The following GRID2 variants were observed in gnomAD, a reference collection of about 807,000 sequenced individuals.
GRID2 encodes the protein glutamate receptor ionotropic, delta-2.
A neutral mutation model predicts 114.8 loss-of-function variants in GRID2; 33 were observed. The observed-to-expected ratio is 0.29, with a 90% CI of 0.22 to 0.38. GRID2 has a LOEUF of 0.38. GRID2 is among the 10% of genes least tolerant of loss of function. The probability of loss-of-function intolerance (pLI) is 1.00; values close to 1 mark genes in which losing one functional copy is unlikely to be tolerated. For missense variants in GRID2, 1,184 were observed against 1,257.7 expected (o/e 0.94, Z 0.89); for synonymous variants, 505 against 449.9 (o/e 1.12, Z -1.55).
chr4:92,900,245 G>A (rs1196107116), intron 2 of GRID2, among the ~76,000 whole-genome samples: 2 of 152,146 alleles, frequency 1.3e-5, no homozygotes, highest in African/African-American at 4.8e-5. Flanking sequence ...TAGGGGCAGA[G>A]ACAATCATTT....
chr4:93,095,743 GTATT>G (rs1171534619), intron 3 of GRID2, among the ~76,000 whole-genome samples: 1 of 151,838 alleles, frequency 6.6e-6, no homozygotes, highest in Non-Finnish European at 1.5e-5. Flanking sequence ...TTGACCAAGA[GTATT>G]TAAAGAAGAA....
At position 92,633,309 on chromosome 4, in the gene GRID2, C is replaced by T. The variant is rs200481717; in HGVS notation, c.244+43023C>T. Among the ~76,000 whole-genome samples, 4 of 152,216 alleles carry T rather than the reference C, an allele frequency of 2.6e-5. No individual in the cohort carries two copies. The East Asian group carries it at 7.7e-4, about 29-fold the overall frequency. On this transcript the variant is annotated intron_variant, in intron 2 of 15. Transcript: ENST00000282020. ...AAAGGGAAAAAAAAACTTTGTTTCT[C>T]AGTAGCTTTATGAAAATACAACTTA...
At chr4:93,589,458 G>GA (rs1737927846) in intron 13 of GRID2, among the ~76,000 whole-genome samples, 1 of 151,894 alleles carries the variant, frequency 6.6e-6, no homozygotes, top group Non-Finnish European at 1.5e-5. Flanking sequence ...ATCATTGTTG[G>GA]ACATTTGGGT....
rs539560927 is a variant in GRID2, at chr4:93,258,358, G to A, written c.1245+19868G>A. Among the ~76,000 whole-genome samples the A allele has an allele frequency of 2.6e-5, 4 of 151,664 alleles. No homozygotes were observed. The South Asian group carries it at 6.2e-4, about 24-fold the overall frequency. On this transcript the variant is annotated intron_variant, in intron 8 of 15. Transcript: ENST00000282020. ...TGAAATAGAATAAAAAATTTTAGTG[G>A]ACCATAATGTCAGAGAAGTAGTGTT...
At chr4:93,785,832 G>T (rs1006132210) in intron 1 of GRID2, among the ~76,000 whole-genome samples, 2 of 152,268 alleles carry the variant, frequency 1.3e-5, no homozygotes, top group South Asian at 4.2e-4. Context: ...TAGTAAAGAG[G>T]TGGAAAGGAA....
chr4:93,178,527 C>CA (rs1739581984), intron 4 of GRID2, among the ~76,000 whole-genome samples: 2 of 150,838 alleles, frequency 1.3e-5, no homozygotes, highest in Non-Finnish European at 2.9e-5. Flanking sequence ...TCCTGACTAG[C>CA]TGGAACTACA....
chr4:92,679,088 C>T (rs956757850), intron 2 of GRID2, among the ~76,000 whole-genome samples: 4 of 151,308 alleles, frequency 2.6e-5, no homozygotes, highest in Non-Finnish European at 2.9e-5. Context: ...GCTTCAATTC[C>T]TAAACATCTA....
At chr4:93,505,521 G>A (rs1040303918) in intron 12 of GRID2, among the ~76,000 whole-genome samples, 1 of 150,628 alleles carries the variant, frequency 6.6e-6, no homozygotes, top group Non-Finnish European at 1.5e-5. Context: ...CCATGCACAG[G>A]AAAACTGCAG....
intron 2 of GRID2, among the ~76,000 whole-genome samples, chr4:93,063,739 A>G (rs997723998): frequency 6.6e-6 from 1 of 151,846 alleles, no homozygotes; most frequent in African/African-American, 2.4e-5. Context: ...AAAAATTTTA[A>G]TGTTTCTAAG....
At chr4:92,749,748 G>C (rs1410546671) in intron 2 of GRID2, among the ~76,000 whole-genome samples, 1 of 152,116 alleles carries the variant, frequency 6.6e-6, no homozygotes, top group African/African-American at 2.4e-5. Flanking sequence ...AAGAGGGGTT[G>C]TTTAATGGGT....
intron 2 of GRID2, among the ~76,000 whole-genome samples, chr4:92,788,421 T>C (rs943886824): frequency 6.6e-6 from 1 of 151,960 alleles, no homozygotes; most frequent in Non-Finnish European, 1.5e-5. Flanking sequence ...CTAACTCTTC[T>C]TTCAAGGAGC....
intron 2 of GRID2, among the ~76,000 whole-genome samples, chr4:92,652,905 T>A (rs1006728665): frequency 2.2e-5 from 3 of 137,512 alleles, no homozygotes; most frequent in African/African-American, 5.2e-5. Context: ...TACATATAAA[T>A]ATATATTTAT....
intron 8 of GRID2, among the ~76,000 whole-genome samples, chr4:93,380,870 G>A (rs754631967): frequency 1.3e-5 from 2 of 151,994 alleles, no homozygotes; most frequent in Non-Finnish European, 2.9e-5. Context: ...GGATTCAGTG[G>A]GGATAGCTTA....
At chr4:93,287,717 A>G (rs1485922310) in intron 8 of GRID2, among the ~76,000 whole-genome samples, 1 of 152,168 alleles carries the variant, frequency 6.6e-6, no homozygotes, top group Non-Finnish European at 1.5e-5. Flanking sequence ...CTATGTTAAT[A>G]TTTTATTGTT....
chr4:93,212,476 C>T (rs1016959902), intron 5 of GRID2, among the ~76,000 whole-genome samples: 2 of 152,114 alleles, frequency 1.3e-5, no homozygotes, highest in South Asian at 2.1e-4. Flanking sequence ...CAGCTCAGAG[C>T]AGCCTTTCCG....
In GRID2 at chr4:93,215,209, C is replaced by G. The variant is rs559630456; in HGVS notation, c.790-1529C>G. ...GCTGTTTGATAAAATGTTGATAAAT[C>G]TTAGTATTGCTAAAGCAAAAAAAAA... On this transcript the variant is annotated intron_variant, in intron 5 of 15. Transcript: ENST00000282020. Among the ~76,000 whole-genome samples the G allele has an allele frequency of 3.3e-5, 5 of 151,734 alleles. No homozygotes were observed. In the East Asian group the frequency reaches 9.6e-4, roughly 29 times the overall value.
chr4:93,090,927 A>G (rs183190400), intron 3 of GRID2, among the ~76,000 whole-genome samples: 1 of 152,214 alleles, frequency 6.6e-6, no homozygotes, highest in East Asian at 1.9e-4. Context: ...AATTCAGTCC[A>G]GTTCTTGTTT....
intron 1 of GRID2, among the ~76,000 whole-genome samples, chr4:92,364,743 C>T (rs1172685752): frequency 6.6e-6 from 1 of 151,892 alleles, no homozygotes; most frequent in Non-Finnish European, 1.5e-5. Context: ...AAAATATTTA[C>T]TTATTTCGTC....
At chr4:93,506,141 C>T (rs1728603068) in intron 12 of GRID2, among the ~76,000 whole-genome samples, 1 of 152,164 alleles carries the variant, frequency 6.6e-6, no homozygotes, top group Non-Finnish European at 1.5e-5. Context: ...CTAAGTAGTC[C>T]ATGACATCTA....
Sources: gnomAD v4.1 joint callset for allele counts (sites outside exome capture counted in the v4.1 genomes callset) on GRCh38, gnomAD v4.1.1 for gene constraint, MANE v1.5 for transcripts, NCBI Gene and HGNC (gene_info 2026-07-23, HGNC 2026-07-21) for gene names.